Variants in CACNG2 observed in about 807,000 individuals in gnomAD.
CACNG2 encodes the protein calcium voltage-gated channel auxiliary subunit gamma 2, also known as voltage-dependent calcium channel gamma-2 subunit.
Under a neutral mutation model 25.9 loss-of-function variants are expected in CACNG2, and 3 were observed. That is an observed-to-expected ratio of 0.12 (90% CI 0.05 to 0.30). CACNG2 has a LOEUF of 0.30. Ranked by LOEUF, CACNG2 falls within the 10% of genes least tolerant of loss-of-function variation. The pLI is 1.00. For synonymous variants in CACNG2, 167 were observed against 173.3 expected, an observed-to-expected ratio of 0.96 and a Z score of 0.29; for missense variants, 341 against 432.5, an observed-to-expected ratio of 0.79 and a Z score of 1.88.
intron 1 of CACNG2, among the ~76,000 whole-genome samples, chr22:36,689,158 T>A (rs1360411279): frequency 6.6e-6 from 1 of 152,104 alleles, no homozygotes; most frequent in Non-Finnish European, 1.5e-5. Flanking sequence ...AGCTCACTGG[T>A]AACGGTTTTG....
At chr22:36,701,737 A>G (rs1039712026) in intron 1 of CACNG2, among the ~76,000 whole-genome samples, 1 of 152,222 alleles carries the variant, frequency 6.6e-6, no homozygotes, top group Non-Finnish European at 1.5e-5. Flanking sequence ...TAAAATACAC[A>G]AATACACACA....
intron 2 of CACNG2, chr22:36,585,562 A>G (rs1461672102): frequency 6.6e-6 from 1 of 152,246 alleles, no homozygotes; most frequent in Non-Finnish European, 1.5e-5. Flanking sequence ...TCACTGTAAC[A>G]CAGCCACACA....
intron 2 of CACNG2, among the ~76,000 whole-genome samples, chr22:36,583,245 C>A (rs1935448907): frequency 6.6e-6 from 1 of 151,970 alleles, no homozygotes; most frequent in African/African-American, 2.4e-5. Flanking sequence ...CCAACCTGGT[C>A]AACATGGCAA....
chr22:36,600,510 C>G (rs888619475), intron 1 of CACNG2, among the ~76,000 whole-genome samples: 17 of 149,332 alleles, frequency 1.1e-4, no homozygotes, highest in African/African-American at 3.7e-4. Context: ...ATAACCTGTA[C>G]AAGTTAAAAT....
At chr22:36,615,722 A>C (rs1457481560) in intron 1 of CACNG2, among the ~76,000 whole-genome samples, 1 of 152,220 alleles carries the variant, frequency 6.6e-6, no homozygotes. Flanking sequence ...GCAGCACCAG[A>C]GTATAGACCC....
At chr22:36,636,609 A>G (rs1382655935) in intron 1 of CACNG2, among the ~76,000 whole-genome samples, 1 of 152,226 alleles carries the variant, frequency 6.6e-6, no homozygotes, top group Non-Finnish European at 1.5e-5. Context: ...CTAGCCATGC[A>G]TGCCAAAAAT....
chr22:36,568,307 C>T (rs899767355), intron 2 of CACNG2, among the ~76,000 whole-genome samples: 5 of 152,070 alleles, frequency 3.3e-5, no homozygotes, highest in African/African-American at 9.7e-5. Flanking sequence ...TCCCCGTCCC[C>T]ACCCTTTTGG....
intron 1 of CACNG2, among the ~76,000 whole-genome samples, chr22:36,676,816 C>G (rs1052550281): frequency 4.6e-5 from 7 of 152,226 alleles, no homozygotes; most frequent in Admixed American, 4.6e-4. Context: ...CCCTCTACCC[C>G]ACTGCCTGGG....
At chr22:36,667,525 G>T (rs1204473106) in intron 1 of CACNG2, among the ~76,000 whole-genome samples, 1 of 152,150 alleles carries the variant, frequency 6.6e-6, no homozygotes, top group Non-Finnish European at 1.5e-5. Flanking sequence ...GAATGGATTT[G>T]GCTCTCAGAA....
Position 36,614,040 on chromosome 22 carries a change from C to T in CACNG2, c.212-26492G>A, listed in dbSNP as rs73884114. On this transcript the variant is annotated intron_variant, in intron 1 of 3. Transcript: ENST00000300105. ...CCCTCTTCCCTACCACTGATTACTT[C>T]CACTCTGTAGTCACTGTGATTTACA... is the stretch of plus-strand genomic sequence containing the variant. Among the ~76,000 whole-genome samples, 1,222 of 152,292 alleles carry T rather than the reference C, an allele frequency of 8.0e-3. 21 individuals carry two copies. The highest frequency in any genetic ancestry group is 0.028 in the African/African-American group (1,171 of 41,550).
chr22:36,596,071 CTG>C (rs1319874969), intron 1 of CACNG2, among the ~76,000 whole-genome samples: 7 of 152,234 alleles, frequency 4.6e-5, no homozygotes, highest in Admixed American at 3.3e-4. Context: ...TGAACAGACT[CTG>C]TTTTATTTTC....
chr22:36,696,972 G>C (rs770422248), intron 1 of CACNG2, among the ~76,000 whole-genome samples: 1 of 152,114 alleles, frequency 6.6e-6, no homozygotes, highest in Non-Finnish European at 1.5e-5. Flanking sequence ...TTCTTTCAAC[G>C]AGACCACAAA....
chr22:36,642,710 T>C (rs1936457700), intron 1 of CACNG2, among the ~76,000 whole-genome samples: 1 of 152,250 alleles, frequency 6.6e-6, no homozygotes, highest in Non-Finnish European at 1.5e-5. Flanking sequence ...CAGACTACAC[T>C]GTGAGAAGCA....
At chr22:36,688,364 G>C (rs1162507318) in intron 1 of CACNG2, among the ~76,000 whole-genome samples, 2 of 151,744 alleles carry the variant, frequency 1.3e-5, no homozygotes, top group Non-Finnish European at 2.9e-5. Flanking sequence ...TGACAACACA[G>C]CAAGGTCCCA....
rs1935080357 is a variant in CACNG2 at position 36,564,177 on chromosome 22, T to C, written c.*174A>G. ...TTTTTTTTAAAATTTACTTGTTATG[T>C]TTTTTCTCTTTTTTTGTGTGTGTGT... On this transcript the variant is annotated 3_prime_UTR_variant, in exon 4 of 4. Coordinates refer to ENST00000300105, the MANE Select transcript of CACNG2 (RefSeq NM_006078.5). This position sits in a 1 kb window ranked among gnomAD's most constrained non-coding sequence, Gnocchi z 6.7. The C allele has an allele frequency of 1.9e-5, 9 of 462,638 alleles. No homozygotes were observed. In the East Asian group the frequency reaches 3.0e-4, roughly 15 times the overall value. 28.7% of individuals were successfully genotyped at this position (462,638 alleles called of 1,614,324 possible). A position where few individuals can be genotyped will look rare whatever the true frequency, so the allele number is the denominator to read the frequency against.
At position 36,642,087 on chromosome 22, in the gene CACNG2, A is replaced by G. The variant is rs538349927; in HGVS notation, c.212-54539T>C. On this transcript the variant is annotated intron_variant, in intron 1 of 3. Coordinates refer to ENST00000300105, the MANE Select transcript of CACNG2 (RefSeq NM_006078.5). ...AGGGTAGACTGGACTCCTTCCAAAA[A>G]TCGGAGGGGAAGCTGATTCTGACTT... Among the ~76,000 whole-genome samples, 4 of 152,270 alleles carry G rather than the reference A, an allele frequency of 2.6e-5. No homozygotes were observed. The South Asian group carries it at 8.3e-4, about 32-fold the overall frequency.
chr22:36,594,243 T>C (rs1232255437), intron 1 of CACNG2, among the ~76,000 whole-genome samples: 1 of 152,200 alleles, frequency 6.6e-6, no homozygotes, highest in Non-Finnish European at 1.5e-5. Context: ...GAAAATCTAA[T>C]CTCATCTCTG....
chr22:36,701,269 T>C lies in CACNG2; in HGVS notation c.211+1097A>G, dbSNP rs141424903. On this transcript the variant is annotated intron_variant, in intron 1 of 3. Transcript: ENST00000300105. ...ACGTCTATCTATGGGTGGCTGTAGC[T>C]TGCACACACAGACATATATAGCCAT... Among the ~76,000 whole-genome samples, 596 of 152,344 alleles carry C rather than the reference T, an allele frequency of 3.9e-3. 3 individuals are homozygous for C. Among genetic ancestry groups the C allele is most frequent in the Non-Finnish European group, 6.2e-3 (424 of 68,040 alleles).
chr22:36,696,215 CG>C (rs1413315232), intron 1 of CACNG2, among the ~76,000 whole-genome samples: 1 of 152,102 alleles, frequency 6.6e-6, no homozygotes, highest in Non-Finnish European at 1.5e-5. Flanking sequence ...GCACCCCCGG[CG>C]CTTTCTTCTC....
Sources: allele counts gnomAD v4.1 joint callset (sites outside exome capture counted in the v4.1 genomes callset), GRCh38; gene constraint gnomAD v4.1.1; non-coding constraint Gnocchi (gnomAD v3.1); transcripts MANE v1.5; gene names NCBI Gene and HGNC (gene_info 2026-07-23, HGNC 2026-07-21).